The following OPCML variants were observed in gnomAD, a reference collection of about 807,000 sequenced individuals.
The protein encoded by OPCML is opioid binding protein/cell adhesion molecule like, also known as opioid-binding protein/cell adhesion molecule.
OPCML carries 13 observed loss-of-function variants against 37.8 expected under a neutral mutation model. That is an observed-to-expected ratio of 0.34 (90% CI 0.22 to 0.55). The LOEUF (loss-of-function observed/expected upper bound fraction) is 0.55, where lower values mean the gene tolerates loss of function less well. Among genes scored for constraint, OPCML ranks in the 20% least tolerant of loss-of-function variants. OPCML has a pLI of 0.91. For missense variants in OPCML, 341 were observed against 435.6 expected (o/e 0.78, Z 1.93); for synonymous variants, 176 against 168.8 (o/e 1.04, Z -0.33).
At chr11:133,235,947 G>A (rs1565521401) in intron 1 of OPCML, among the ~76,000 whole-genome samples, 1 of 152,148 alleles carries the variant, frequency 6.6e-6, no homozygotes, top group African/African-American at 2.4e-5. Flanking sequence ...TTATCAGCAG[G>A]GGATAGTTCC....
chr11:132,856,757 C>CA (rs1387848771), intron 2 of OPCML, among the ~76,000 whole-genome samples: 2 of 152,176 alleles, frequency 1.3e-5, no homozygotes, highest in African/African-American at 4.8e-5. Context: ...GAAGTGCTGG[C>CA]ATGCCACTGT....
intron 1 of OPCML, among the ~76,000 whole-genome samples, chr11:133,111,173 C>A (rs1949247981): frequency 8.3e-6 from 1 of 121,104 alleles, no homozygotes; most frequent in Non-Finnish European, 1.9e-5. Flanking sequence ...ATATTTAGTT[C>A]TGTGTGAATG....
chr11:133,069,639 G>A (rs1948493592), intron 1 of OPCML, among the ~76,000 whole-genome samples: 1 of 152,206 alleles, frequency 6.6e-6, no homozygotes, highest in African/African-American at 2.4e-5. Context: ...ATAGGAGTGT[G>A]TGAGAGCATG....
chr11:133,238,538 G>T (rs1433067167), intron 1 of OPCML, among the ~76,000 whole-genome samples: 2 of 152,120 alleles, frequency 1.3e-5, no homozygotes, highest in Non-Finnish European at 2.9e-5. Flanking sequence ...TGTGGCTCAC[G>T]TAAGTGTATG....
chr11:133,397,883 G>A lies in OPCML; in HGVS notation c.61+134381C>T, dbSNP rs932673108. On this transcript the variant is annotated intron_variant, in intron 1 of 7. Coordinates refer to ENST00000524381, the MANE Select transcript of OPCML (RefSeq NM_001012393.5). Reference sequence around the variant, plus strand: ...ATATTGATCCTTTGAAAAGGTAGAGGCATTACATTAAATCCTGATTTGGTG... The same window carrying A: ...ATATTGATCCTTTGAAAAGGTAGAGACATTACATTAAATCCTGATTTGGTG... Among the ~76,000 whole-genome samples, 5 of 152,174 alleles carry A rather than the reference G, an allele frequency of 3.3e-5. No individual in the cohort carries two copies. In the South Asian group the frequency reaches 6.2e-4, roughly 19 times the overall value.
chr11:132,639,559 C>T (rs757820982), intron 3 of OPCML, among the ~76,000 whole-genome samples: 2 of 152,166 alleles, frequency 1.3e-5, no homozygotes, highest in Non-Finnish European at 2.9e-5. Flanking sequence ...TTCCTGAATC[C>T]GAACACAATC....
At chr11:133,045,543 C>T (rs1947992353) in intron 1 of OPCML, among the ~76,000 whole-genome samples, 1 of 152,144 alleles carries the variant, frequency 6.6e-6, no homozygotes, top group Non-Finnish European at 1.5e-5. Flanking sequence ...TTCAGTCTCT[C>T]TAAAATAGAT....
rs554593770 is a variant in OPCML at position 132,890,718 on chromosome 11, G to A, written c.146+52208C>T. Among the ~76,000 whole-genome samples the A allele has an allele frequency of 4.8e-4, 72 of 150,382 alleles. 1 individual carries two copies. Among genetic ancestry groups the A allele is most frequent in the Middle Eastern group, 6.9e-3 (2 of 290 alleles). Reference sequence around the variant, plus strand: ...AAAAATACAAAAAAATTAGCCAGGCGTGGTGGTGGGCGCCTGTAGTCCCAG... The same window carrying A: ...AAAAATACAAAAAAATTAGCCAGGCATGGTGGTGGGCGCCTGTAGTCCCAG... On this transcript the variant is annotated intron_variant, in intron 2 of 7. Transcript: ENST00000524381.
chr11:133,367,147 T>G (rs1401328161), intron 1 of OPCML, among the ~76,000 whole-genome samples: 1 of 152,160 alleles, frequency 6.6e-6, no homozygotes, highest in African/African-American at 2.4e-5. Context: ...CCCAGCTAAC[T>G]TTTTTATTTC....
chr11:133,001,865 A>G (rs1947012601), intron 1 of OPCML, among the ~76,000 whole-genome samples: 1 of 152,196 alleles, frequency 6.6e-6, no homozygotes, highest in South Asian at 2.1e-4. Flanking sequence ...AATCCTCATG[A>G]TCTGGCAAGA....
chr11:133,079,321 G>A (rs751889275), intron 1 of OPCML, among the ~76,000 whole-genome samples: 1 of 152,100 alleles, frequency 6.6e-6, no homozygotes, highest in African/African-American at 2.4e-5. Flanking sequence ...TCCCCTTTCC[G>A]GAGGTGCTCA....
At chr11:133,240,829 G>C (rs971388797) in intron 1 of OPCML, among the ~76,000 whole-genome samples, 1 of 152,058 alleles carries the variant, frequency 6.6e-6, no homozygotes, top group African/African-American at 2.4e-5. Flanking sequence ...TAATTTCAAG[G>C]AACTAGAAAG....
chr11:132,435,719 A>G (rs954977520), intron 7 of OPCML, among the ~76,000 whole-genome samples: 1 of 152,232 alleles, frequency 6.6e-6, no homozygotes, highest in Non-Finnish European at 1.5e-5. Context: ...ACTTGGTTTA[A>G]AGCAACAAAT....
chr11:133,027,131 C>T (rs547915617), intron 1 of OPCML, among the ~76,000 whole-genome samples: 5 of 152,290 alleles, frequency 3.3e-5, no homozygotes, highest in Admixed American at 1.3e-4. Flanking sequence ...TTTGTGGTGA[C>T]CCACTTGTCA....
chr11:132,470,107 G>T (rs897894845), intron 4 of OPCML, among the ~76,000 whole-genome samples: 1 of 152,054 alleles, frequency 6.6e-6, no homozygotes, highest in African/African-American at 2.4e-5. Context: ...GATGTGACAT[G>T]ATCTGACTTT....
chr11:132,613,133 G>C (rs1397580218), intron 3 of OPCML, among the ~76,000 whole-genome samples: 1 of 152,186 alleles, frequency 6.6e-6, no homozygotes, highest in Admixed American at 6.5e-5. Flanking sequence ...TGCTGGCGGG[G>C]ATGTCACCCT....
At chr11:132,779,169 TGCTGGCCAG>T (rs1017316183) in intron 2 of OPCML, among the ~76,000 whole-genome samples, 1 of 152,102 alleles carries the variant, frequency 6.6e-6, no homozygotes, top group Non-Finnish European at 1.5e-5. Context: ...GGTTTCGCCA[TGCTGGCCAG>T]GCTGGCCTCG....
chr11:133,158,758 G>A (rs191966603), intron 1 of OPCML, among the ~76,000 whole-genome samples: 94 of 103,984 alleles, frequency 9.0e-4, no homozygotes, highest in African/African-American at 3.7e-3. Flanking sequence ...AAAATAAAAT[G>A]AAAATTAAAA....
chr11:132,638,523 G>A (rs1447649799), intron 3 of OPCML, among the ~76,000 whole-genome samples: 1 of 152,100 alleles, frequency 6.6e-6, no homozygotes, highest in Non-Finnish European at 1.5e-5. Context: ...CTAAGATATG[G>A]GTGTGGTTAA....
Sources: allele counts gnomAD v4.1 joint callset (sites outside exome capture counted in the v4.1 genomes callset), GRCh38; gene constraint gnomAD v4.1.1; transcripts MANE v1.5; gene names NCBI Gene and HGNC (gene_info 2026-07-23, HGNC 2026-07-21).